The following KCNAB1 variants were observed in gnomAD, a reference collection of about 807,000 sequenced individuals.
KCNAB1 encodes the protein potassium voltage-gated channel subfamily A regulatory beta subunit 1, also known as voltage-gated potassium channel subunit beta-1.
A neutral mutation model predicts 64.6 loss-of-function variants in KCNAB1; 35 were observed. That is an observed-to-expected ratio of 0.54 (90% CI 0.41 to 0.72). KCNAB1 has a LOEUF of 0.72. Among genes scored for constraint, KCNAB1 ranks in the 30% least tolerant of loss-of-function variants. KCNAB1 has a pLI of 0.00. For synonymous variants in KCNAB1, 177 were observed against 183.8 expected (o/e 0.96, Z 0.30); for missense variants, 401 against 512.9 (o/e 0.78, Z 2.11).
intron 5 of KCNAB1, among the ~76,000 whole-genome samples, chr3:156,463,403 A>T (rs1042645015): frequency 6.6e-6 from 1 of 152,100 alleles, no homozygotes; most frequent in Non-Finnish European, 1.5e-5. Context: ...TTACTTTGCT[A>T]TGTCGACATG....
intron 12 of KCNAB1, among the ~76,000 whole-genome samples, chr3:156,526,332 CTTATT>C (rs977946063): frequency 6.6e-6 from 1 of 152,120 alleles, no homozygotes; most frequent in African/African-American, 2.4e-5. Flanking sequence ...ATAACTGTAT[CTTATT>C]TTAAATTTTC....
chr3:156,526,197 A>C (rs1718297250), intron 12 of KCNAB1, among the ~76,000 whole-genome samples: 1 of 152,210 alleles, frequency 6.6e-6, no homozygotes. Context: ...AGGCTATCCC[A>C]TATAGCCTAG....
chr3:156,431,714 C>T (rs891419182), intron 2 of KCNAB1, among the ~76,000 whole-genome samples: 15 of 152,232 alleles, frequency 9.9e-5, no homozygotes, highest in East Asian at 3.8e-4. Flanking sequence ...CAAGCCAAGA[C>T]GTCAGCTCTA....
chr3:156,351,836 C>G (rs1724880188), intron 1 of KCNAB1, among the ~76,000 whole-genome samples: 1 of 152,218 alleles, frequency 6.6e-6, no homozygotes, highest in Admixed American at 6.5e-5. Context: ...CTCCCTGCCT[C>G]CCCTCTTTTG....
chr3:156,436,972 G>T (rs113011365), intron 2 of KCNAB1, among the ~76,000 whole-genome samples: 5,559 of 152,216 alleles, frequency 0.037, 344 homozygotes, highest in African/African-American at 0.13. Context: ...GTTTTTGTCA[G>T]GAAGTCTTTG....
chr3:156,519,131 G>A (rs886401327), intron 11 of KCNAB1, among the ~76,000 whole-genome samples: 1 of 152,140 alleles, frequency 6.6e-6, no homozygotes, highest in Non-Finnish European at 1.5e-5. Context: ...ATTTACTGTA[G>A]TAGCCTCCCA....
intron 1 of KCNAB1, among the ~76,000 whole-genome samples, chr3:156,277,262 T>C (rs1283087957): frequency 6.6e-6 from 1 of 152,066 alleles, no homozygotes; most frequent in Non-Finnish European, 1.5e-5. Flanking sequence ...AGTAGTAACA[T>C]CAAAGATCAC....
intron 1 of KCNAB1, among the ~76,000 whole-genome samples, chr3:156,303,281 A>C (rs183748910): frequency 6.6e-6 from 1 of 152,332 alleles, no homozygotes; most frequent in Admixed American, 6.5e-5. Flanking sequence ...CTCTCTTGGC[A>C]TGCAAGCAAA....
At chr3:156,337,752 C>T (rs1349797814) in intron 1 of KCNAB1, among the ~76,000 whole-genome samples, 1 of 152,170 alleles carries the variant, frequency 6.6e-6, no homozygotes, top group Non-Finnish European at 1.5e-5. Context: ...AGTTGTGACT[C>T]AGCCTCGTGT....
chr3:156,225,104 A>G (rs1185889230), intron 1 of KCNAB1, among the ~76,000 whole-genome samples: 1 of 152,186 alleles, frequency 6.6e-6, no homozygotes, highest in East Asian at 1.9e-4. Context: ...AAAACCAGGG[A>G]AAGACATAAC....
intron 1 of KCNAB1, among the ~76,000 whole-genome samples, chr3:156,268,263 C>T (rs1718837029): frequency 1.3e-5 from 2 of 152,072 alleles, no homozygotes; most frequent in Admixed American, 1.3e-4. Flanking sequence ...TTTCTTTATC[C>T]ATCTATCTCT....
chr3:156,312,420 T>C (rs1488109247), intron 1 of KCNAB1, among the ~76,000 whole-genome samples: 1 of 152,156 alleles, frequency 6.6e-6, no homozygotes, highest in Non-Finnish European at 1.5e-5. Context: ...AATATGTAAG[T>C]ATGAATGCCC....
intron 1 of KCNAB1, among the ~76,000 whole-genome samples, chr3:156,197,712 T>C (rs976420251): frequency 6.6e-6 from 1 of 152,098 alleles, no homozygotes; most frequent in Non-Finnish European, 1.5e-5. Context: ...GTCTGGCTAG[T>C]GGTCTATTTT....
chr3:156,279,677 T>G, intron 1 of KCNAB1, among the ~76,000 whole-genome samples: 1 of 152,006 alleles, frequency 6.6e-6, no homozygotes, highest in South Asian at 2.1e-4. Flanking sequence ...TGTGAGATGG[T>G]ATCTCATTGT....
chr3:156,496,714 C>A (rs1481842500), intron 8 of KCNAB1, among the ~76,000 whole-genome samples: 4 of 152,092 alleles, frequency 2.6e-5, no homozygotes, highest in Non-Finnish European at 5.9e-5. Context: ...CCATGATAAA[C>A]CTTGATGAAT....
At chr3:156,166,556 GAT>G (rs1368921533) in intron 1 of KCNAB1, among the ~76,000 whole-genome samples, 1 of 143,128 alleles carries the variant, frequency 7.0e-6, no homozygotes, top group Non-Finnish European at 1.6e-5. Context: ...CACACACACA[GAT>G]AGGCAATATA....
intron 1 of KCNAB1, among the ~76,000 whole-genome samples, chr3:156,341,982 G>T (rs73015981): frequency 1.2e-4 from 18 of 152,236 alleles, no homozygotes; most frequent in African/African-American, 4.3e-4. Flanking sequence ...GTCTGGAAAG[G>T]TTTATCCCCT....
intron 1 of KCNAB1, among the ~76,000 whole-genome samples, chr3:156,224,194 C>T (rs538437142): frequency 3.9e-4 from 60 of 152,366 alleles, no homozygotes; most frequent in East Asian, 1.9e-4. Flanking sequence ...CTGGGGTCAG[C>T]GGGGCCAGCC....
At chr3:156,486,948 C>T (rs1715262439) in intron 8 of KCNAB1, among the ~76,000 whole-genome samples, 1 of 151,948 alleles carries the variant, frequency 6.6e-6, no homozygotes, top group Non-Finnish European at 1.5e-5. Flanking sequence ...TCATCAAGGC[C>T]AAAGGATACT....
Sources: gnomAD v4.1 joint callset for allele counts (sites outside exome capture counted in the v4.1 genomes callset) on GRCh38, gnomAD v4.1.1 for gene constraint, MANE v1.5 for transcripts, NCBI Gene and HGNC (gene_info 2026-07-23, HGNC 2026-07-21) for gene names.